Variants in ARHGAP26 observed in about 807,000 individuals in gnomAD.
ARHGAP26 encodes the protein Rho GTPase activating protein 26.
ARHGAP26 carries 38 observed loss-of-function variants against 104.8 expected under a neutral mutation model. That is an observed-to-expected ratio of 0.36 (90% CI 0.28 to 0.48). The LOEUF is 0.48. Among genes scored for constraint, ARHGAP26 ranks in the 20% least tolerant of loss-of-function variants. The pLI, the probability that ARHGAP26 is intolerant of heterozygous loss-of-function variation, is 0.99. For missense variants in ARHGAP26, 704 were observed against 947.9 expected, an observed-to-expected ratio of 0.74 and a Z score of 3.38; for synonymous variants, 341 against 340.0, an observed-to-expected ratio of 1.00 and a Z score of -0.03.
intron 16 of ARHGAP26, among the ~76,000 whole-genome samples, chr5:143,056,672 G>A (rs1438032399): frequency 6.6e-6 from 1 of 152,052 alleles, no homozygotes; most frequent in African/African-American, 2.4e-5. Flanking sequence ...TGGAATCTCT[G>A]GCTACATGGG....
intron 20 of ARHGAP26, among the ~76,000 whole-genome samples, chr5:143,156,498 C>T (rs1425915432): frequency 6.6e-6 from 1 of 152,224 alleles, no homozygotes; most frequent in Non-Finnish European, 1.5e-5. Context: ...TACAGAATCT[C>T]AGGCCTCACC....
At chr5:142,977,177 GA>G (rs1312310102) in intron 11 of ARHGAP26, among the ~76,000 whole-genome samples, 1 of 152,200 alleles carries the variant, frequency 6.6e-6, no homozygotes, top group African/African-American at 2.4e-5. Flanking sequence ...CTGGCAGAAA[GA>G]ACAGATGTTC....
At chr5:142,901,897 C>A in intron 6 of ARHGAP26, 38 bp from the exon 7 acceptor site, 1 of 1,564,680 alleles carries the variant, frequency 6.4e-7, no homozygotes, top group Non-Finnish European at 8.8e-7. Context: ...TCTTTTCAAC[C>A]TGGTTATGTG....
intron 11 of ARHGAP26, among the ~76,000 whole-genome samples, chr5:142,965,393 T>G (rs986220622): frequency 6.6e-6 from 1 of 152,222 alleles, no homozygotes; most frequent in Non-Finnish European, 1.5e-5. Context: ...CTTGACACTT[T>G]TTGATACCGC....
At chr5:142,993,393 TCTC>T (rs1775936169) in intron 11 of ARHGAP26, among the ~76,000 whole-genome samples, 1 of 151,886 alleles carries the variant, frequency 6.6e-6, no homozygotes. Context: ...ATGGTCTCGA[TCTC>T]CTGACCTCAT....
intron 1 of ARHGAP26, among the ~76,000 whole-genome samples, chr5:142,831,166 T>C (rs1040565679): frequency 6.6e-6 from 1 of 152,200 alleles, no homozygotes; most frequent in African/African-American, 2.4e-5. Context: ...CTCCACCCTG[T>C]TGAGTTGGTT....
intron 1 of ARHGAP26, among the ~76,000 whole-genome samples, chr5:142,780,258 T>G (rs1413330584): frequency 6.6e-6 from 1 of 151,946 alleles, no homozygotes; most frequent in Non-Finnish European, 1.5e-5. Context: ...CCCCTAATAA[T>G]AAACATTTAG....
intron 12 of ARHGAP26, among the ~76,000 whole-genome samples, chr5:143,033,036 A>G (rs995450844): frequency 6.6e-6 from 1 of 152,252 alleles, no homozygotes; most frequent in African/African-American, 2.4e-5. Context: ...ATCTGTTTAT[A>G]GGCTGTAAAT....
At chr5:142,902,969 G>A (rs1159089034) in intron 7 of ARHGAP26, among the ~76,000 whole-genome samples, 1 of 152,208 alleles carries the variant, frequency 6.6e-6, no homozygotes, top group Non-Finnish European at 1.5e-5. Flanking sequence ...AGGTCTCAGT[G>A]CAGGGGAGGC....
intron 12 of ARHGAP26, among the ~76,000 whole-genome samples, chr5:143,035,438 A>C (rs1284640019): frequency 6.6e-6 from 1 of 152,228 alleles, no homozygotes; most frequent in African/African-American, 2.4e-5. Flanking sequence ...TAACTCAGGA[A>C]TGGAAAACCA....
At chr5:142,975,682 G>A (rs771835226) in intron 11 of ARHGAP26, among the ~76,000 whole-genome samples, 36 of 152,058 alleles carry the variant, frequency 2.4e-4, no homozygotes, top group Non-Finnish European at 1.0e-4. Flanking sequence ...ATCATTCCCA[G>A]TACCTAAGAT....
At position 142,856,305 on chromosome 5, in the gene ARHGAP26, G is replaced by T. The variant is rs974144268; in HGVS notation, c.155-17095G>T. ...AGGTGGCAGTCGGTTGGTTGTGTTG[G>T]TCAGGGTGGGAGAGGCCTTTCGGGC... On this transcript the variant is annotated intron_variant, in intron 1 of 22. Transcript: ENST00000645722. 4.6e-5 allele frequency among the ~76,000 whole-genome samples: 7 copies of T among 152,360 alleles called. No individual in the cohort carries two copies. The South Asian group carries it at 1.0e-3, about 23-fold the overall frequency.
chr5:143,064,167 A>G (rs1445389306), intron 17 of ARHGAP26, among the ~76,000 whole-genome samples: 4 of 151,956 alleles, frequency 2.6e-5, no homozygotes, highest in Non-Finnish European at 5.9e-5. Flanking sequence ...GCCACACCCT[A>G]TCCCCCAGGG....
At chr5:142,806,473 ATGTGTGTGTGTGTG>A (rs34179083) in intron 1 of ARHGAP26, among the ~76,000 whole-genome samples, 8 of 147,776 alleles carry the variant, frequency 5.4e-5, no homozygotes, top group African/African-American at 1.7e-4. Context: ...AGGCAATGAA[ATGTGTGTGTGTGTG>A]TGTGTGTGTG....
Position 142,965,182 on chromosome 5 carries a change from A to C in ARHGAP26, c.1107+33057A>C, listed in dbSNP as rs554810907. ...ATCTAGAAGGCAGAGCCAGGTGTAC[A>C]GGATGGAACATGAAGGCGGACTAGG... On this transcript the variant is annotated intron_variant, in intron 11 of 22. Coordinates refer to ENST00000645722, the MANE Select transcript of ARHGAP26 (RefSeq NM_001135608.3). Among the ~76,000 whole-genome samples, 85 of 152,364 alleles carry C rather than the reference A, an allele frequency of 5.6e-4. 1 individual carries two copies. The highest frequency in any genetic ancestry group is 1.9e-3 in the African/African-American group (81 of 41,576).
intron 1 of ARHGAP26, among the ~76,000 whole-genome samples, chr5:142,800,039 A>G (rs1304969083): frequency 2.0e-5 from 3 of 152,256 alleles, no homozygotes; most frequent in African/African-American, 7.2e-5. Flanking sequence ...TACAAATTTA[A>G]GTTGGTACCT....
chr5:142,983,041 C>T (rs1048975973), intron 11 of ARHGAP26, among the ~76,000 whole-genome samples: 18 of 152,082 alleles, frequency 1.2e-4, no homozygotes, highest in Non-Finnish European at 4.4e-5. Context: ...TTGCCCAGCC[C>T]GCCACAAGGG....
At chr5:142,877,307 C>G (rs1275426104) in intron 3 of ARHGAP26, among the ~76,000 whole-genome samples, 1 of 152,172 alleles carries the variant, frequency 6.6e-6, no homozygotes, top group African/African-American at 2.4e-5. Flanking sequence ...TTCCTGACTT[C>G]CTGGGTTATA....
chr5:143,123,215 C>T (rs949583299), intron 18 of ARHGAP26, among the ~76,000 whole-genome samples: 1 of 152,198 alleles, frequency 6.6e-6, no homozygotes, highest in Admixed American at 6.5e-5. Flanking sequence ...TATTTGACTT[C>T]TGAGAACAGA....
Sources: gnomAD v4.1 joint callset for allele counts (sites outside exome capture counted in the v4.1 genomes callset) on GRCh38, gnomAD v4.1.1 for gene constraint, MANE v1.5 for transcripts, NCBI Gene and HGNC (gene_info 2026-07-23, HGNC 2026-07-21) for gene names.